NVL: variants seen among roughly 807,000 people sequenced by gnomAD.
NVL encodes the protein nuclear VCP like, also known as nuclear valosin-containing protein-like.
Under a neutral mutation model 110.2 loss-of-function variants are expected in NVL, and 84 were observed. The ratio of observed to expected loss-of-function variants is 0.76; its 90% CI spans 0.64 to 0.91. NVL has a LOEUF of 0.91. Ranked by LOEUF, NVL falls within the 40% of genes least tolerant of loss-of-function variation. The probability of loss-of-function intolerance (pLI) is 0.00; values close to 1 mark genes in which losing one functional copy is unlikely to be tolerated. For missense variants in NVL, 882 were observed against 1,035.9 expected (o/e 0.85, Z 2.04); for synonymous variants, 354 against 361.1 (o/e 0.98, Z 0.22).
intron 1 of NVL, among the ~76,000 whole-genome samples, chr1:224,328,470 A>G (rs1671362916): frequency 5.7e-4 from 1 of 1,766 alleles, no homozygotes; most frequent in African/African-American, 7.2e-4. Flanking sequence ...CAGTGAGCAG[A>G]AAAAAAAAAA....
intron 21 of NVL, 79 bp downstream of exon 21, chr1:224,233,122 T>C (rs1660079350): frequency 8.3e-7 from 1 of 1,211,566 alleles, no homozygotes; most frequent in Non-Finnish European, 1.2e-6. Context: ...TAATAGACAC[T>C]AGAAAATGGT....
chr1:224,306,865 T>C (rs1371025228), intron 6 of NVL, among the ~76,000 whole-genome samples: 1 of 152,096 alleles, frequency 6.6e-6, no homozygotes, highest in African/African-American at 2.4e-5. Context: ...GCATTAAGAC[T>C]CGAGTTCTTG....
intron 4 of NVL, among the ~76,000 whole-genome samples, chr1:224,316,888 A>G (rs1670136566): frequency 6.6e-6 from 1 of 152,146 alleles, no homozygotes; most frequent in Non-Finnish European, 1.5e-5. Flanking sequence ...CTGTAATCCC[A>G]GCACTTTGGG....
chr1:224,326,426 A>AGG lies in NVL; in HGVS notation c.95_96insCC (p.Gly33LeufsTer4). 6.2e-7 allele frequency: 1 copy of AGG among 1,612,820 alleles called. No individual in the cohort carries two copies. Among genetic ancestry groups the AGG allele is most frequent in the Non-Finnish European group, 8.5e-7 (1 of 1,179,198 alleles). On this transcript the variant is annotated frameshift_variant, in exon 2 of 23. Transcript: ENST00000281701. LOFTEE classifies it high-confidence loss of function. ...TTTGTAAATCAGACGCTAAGACTCC[A>AGG]ATGTCCACATATTTGCCACATTTGT...
chr1:224,294,486 A>G, intron 11 of NVL, 75 bp from the exon 12 acceptor site: 5 of 1,464,700 alleles, frequency 3.4e-6, no homozygotes, highest in Non-Finnish European at 4.7e-6. Context: ...GAATCATTTC[A>G]TGGTTAAAGA....
chr1:224,290,550 C>T (rs1667267972), intron 12 of NVL, among the ~76,000 whole-genome samples: 1 of 151,978 alleles, frequency 6.6e-6, no homozygotes. Context: ...ACCTTGTAAT[C>T]CCAGCACTTT....
chr1:224,284,122 A>G (rs967188430), intron 15 of NVL, among the ~76,000 whole-genome samples: 3 of 152,202 alleles, frequency 2.0e-5, no homozygotes, highest in African/African-American at 7.2e-5. Flanking sequence ...AGTTCTAATA[A>G]GCATAATTCC....
intron 19 of NVL, among the ~76,000 whole-genome samples, chr1:224,242,693 C>A (rs1301348581): frequency 2.0e-5 from 3 of 152,006 alleles, no homozygotes; most frequent in Non-Finnish European, 1.5e-5. Flanking sequence ...GTCTCAAACT[C>A]CTGACCTCAG....
chr1:224,300,556 A>ACTAATGACTTG lies in NVL; in HGVS notation c.1062+5_1062+6insCAAGTCATTAG. 6.2e-7 allele frequency: 1 copy of ACTAATGACTTG among 1,609,134 alleles called. No individual in the cohort carries two copies. Among genetic ancestry groups the ACTAATGACTTG allele is most frequent in the Non-Finnish European group, 8.5e-7 (1 of 1,176,066 alleles). ...ACCACCTGGCATTAGTCATTAACTG[A>ACTAATGACTTG]CTCACCACAGCTTGCTCAAATAGTT... On this transcript the variant is annotated splice_donor_region_variant and intron_variant, in intron 10 of 22. Coordinates refer to ENST00000281701, the MANE Select transcript of NVL (RefSeq NM_002533.4).
intron 5 of NVL, among the ~76,000 whole-genome samples, chr1:224,309,440 G>A (rs1669298764): frequency 6.6e-6 from 1 of 151,542 alleles, no homozygotes; most frequent in African/African-American, 2.4e-5. Context: ...GACAACTTGA[G>A]CCCAAGAGTT....
chr1:224,254,480 C>T (rs1239581362), intron 18 of NVL, among the ~76,000 whole-genome samples: 2 of 150,560 alleles, frequency 1.3e-5, no homozygotes, highest in South Asian at 2.1e-4. Context: ...GCAACCTCTA[C>T]CTCCTGGATT....
chr1:224,285,915 CT>C, intron 15 of NVL, 110 bp downstream of exon 15: 2 of 721,130 alleles, frequency 2.8e-6, no homozygotes, highest in East Asian at 2.8e-5. Context: ...AAATAAACTT[CT>C]GATAAAAATT....
intron 16 of NVL, among the ~76,000 whole-genome samples, chr1:224,280,771 G>A (rs1666237543): frequency 6.6e-6 from 1 of 152,182 alleles, no homozygotes; most frequent in Non-Finnish European, 1.5e-5. Flanking sequence ...CAGCACTTGA[G>A]TGACTTCTAT....
intron 20 of NVL, among the ~76,000 whole-genome samples, chr1:224,233,840 A>G (rs1018671169): frequency 1.3e-5 from 2 of 152,226 alleles, no homozygotes; most frequent in East Asian, 3.8e-4. Context: ...ATAAAGGGCT[A>G]AAGTGCTGAC....
chr1:224,238,565 C>T (rs903097148), intron 19 of NVL, among the ~76,000 whole-genome samples: 1 of 152,212 alleles, frequency 6.6e-6, no homozygotes, highest in Non-Finnish European at 1.5e-5. Flanking sequence ...TTATCTACCA[C>T]AGGTTCAAGA....
chr1:224,305,457 G>T, intron 6 of NVL: 1 of 243,358 alleles, frequency 4.1e-6, no homozygotes, highest in South Asian at 1.7e-4. Context: ...GGATGACATG[G>T]AAATTTGTGA....
intron 2 of NVL, among the ~76,000 whole-genome samples, chr1:224,321,666 G>A (rs1322702332): frequency 2.0e-5 from 3 of 151,644 alleles, no homozygotes; most frequent in Non-Finnish European, 2.9e-5. Context: ...TGAGGCAGGA[G>A]AGTCACTTGA....
chr1:224,270,645 C>G (rs1664994272), intron 17 of NVL, among the ~76,000 whole-genome samples: 1 of 151,868 alleles, frequency 6.6e-6, no homozygotes, highest in Non-Finnish European at 1.5e-5. Flanking sequence ...AAAATAGTGT[C>G]AACACATAAT....
chr1:224,246,040 T>G (rs1242399625), intron 19 of NVL, among the ~76,000 whole-genome samples: 2 of 152,136 alleles, frequency 1.3e-5, no homozygotes, highest in Non-Finnish European at 2.9e-5. Flanking sequence ...TGACTTTTTT[T>G]TTTTTGGAGA....
Sources: gnomAD v4.1 joint callset for allele counts (sites outside exome capture counted in the v4.1 genomes callset) on GRCh38, gnomAD v4.1.1 for gene constraint, MANE v1.5 for transcripts, NCBI Gene and HGNC (gene_info 2026-07-23, HGNC 2026-07-21) for gene names.